The following DLG2 variants were observed in gnomAD, a reference collection of about 807,000 sequenced individuals.
The protein encoded by DLG2 is disks large homolog 2.
A neutral mutation model predicts 132.5 loss-of-function variants in DLG2; 45 were observed. The ratio of observed to expected loss-of-function variants is 0.34; its 90% CI spans 0.27 to 0.44. DLG2 has a LOEUF of 0.44. Among genes scored for constraint, DLG2 ranks in the 20% least tolerant of loss-of-function variants. DLG2 has a pLI of 1.00. For synonymous variants in DLG2, 424 were observed against 419.6 expected, an observed-to-expected ratio of 1.01 and a Z score of -0.13; for missense variants, 1,045 against 1,196.9, an observed-to-expected ratio of 0.87 and a Z score of 1.87.
intron 6 of DLG2, among the ~76,000 whole-genome samples, chr11:84,707,238 T>G (rs539453287): frequency 6.6e-6 from 1 of 151,950 alleles, no homozygotes; most frequent in South Asian, 2.1e-4. Flanking sequence ...GATTTTTATC[T>G]GCCTCCCCAG....
intron 6 of DLG2, among the ~76,000 whole-genome samples, chr11:84,702,562 A>G (rs1281057486): frequency 6.6e-6 from 1 of 151,630 alleles, no homozygotes; most frequent in Non-Finnish European, 1.5e-5. Context: ...AGCCTTGATT[A>G]TCCTCTCAAA....
chr11:83,639,698 GT>G (rs1163643604), intron 18 of DLG2, among the ~76,000 whole-genome samples: 1 of 150,296 alleles, frequency 6.7e-6, no homozygotes, highest in Non-Finnish European at 1.5e-5. Flanking sequence ...CATGGCACAT[GT>G]ATACATATGT....
At chr11:84,733,268 G>A (rs1018280359) in intron 6 of DLG2, among the ~76,000 whole-genome samples, 1 of 152,164 alleles carries the variant, frequency 6.6e-6, no homozygotes, top group Admixed American at 6.5e-5. Flanking sequence ...CAGTGTAAGA[G>A]TGTTCCTATT....
At chr11:84,221,946 A>C (rs1445671361) in intron 8 of DLG2, among the ~76,000 whole-genome samples, 1 of 152,162 alleles carries the variant, frequency 6.6e-6, no homozygotes, top group Non-Finnish European at 1.5e-5. Flanking sequence ...TAGATAAATT[A>C]CTAAAAACTA....
intron 3 of DLG2, among the ~76,000 whole-genome samples, chr11:85,507,474 T>C (rs1036974983): frequency 6.6e-6 from 1 of 152,178 alleles, no homozygotes; most frequent in African/African-American, 2.4e-5. Flanking sequence ...TTATGAAGCT[T>C]AGTTTGGTTG....
At position 85,095,172 on chromosome 11, in the gene DLG2, T is replaced by C. The variant is rs12576849; in HGVS notation, c.357+16489A>G. Among the ~76,000 whole-genome samples the C allele has an allele frequency of 7.3e-4, 111 of 152,270 alleles. 2 individuals carry two copies. In the East Asian group the frequency reaches 0.018, roughly 25 times the overall value. ...ATAGTAACATTGAAGATACTGATCATGTATCACCGTAACAGATATAATAAT... is the reference window on the plus strand; with the variant it reads ...ATAGTAACATTGAAGATACTGATCACGTATCACCGTAACAGATATAATAAT... On this transcript the variant is annotated intron_variant, in intron 6 of 27. Transcript: ENST00000376104.
intron 17 of DLG2, chr11:83,791,354 A>T (rs1460873552): frequency 1.5e-6 from 1 of 676,686 alleles, no homozygotes; most frequent in African/African-American, 1.8e-5. Flanking sequence ...GTATCCATCA[A>T]GCTTTTGCTT....
chr11:83,717,469 T>C (rs139526519), intron 18 of DLG2, among the ~76,000 whole-genome samples: 276 of 152,286 alleles, frequency 1.8e-3, no homozygotes, highest in Admixed American at 5.5e-3. Context: ...GCTGAAGGTT[T>C]TGTAGGGGCT....
At chr11:84,170,976 A>C (rs748874819) in intron 8 of DLG2, among the ~76,000 whole-genome samples, 7 of 152,092 alleles carry the variant, frequency 4.6e-5, no homozygotes, top group Non-Finnish European at 8.8e-5. Context: ...TCTCTGTCTT[A>C]TCTCTTCTCT....
chr11:84,083,956 C>T (rs1186576902), intron 10 of DLG2, among the ~76,000 whole-genome samples: 1 of 152,036 alleles, frequency 6.6e-6, no homozygotes, highest in Non-Finnish European at 1.5e-5. Context: ...TCTACAAGAT[C>T]CCAGAGAGGC....
chr11:84,715,657 A>ATTTC (rs2061138003), intron 6 of DLG2, among the ~76,000 whole-genome samples: 1 of 152,066 alleles, frequency 6.6e-6, no homozygotes, highest in East Asian at 1.9e-4. Context: ...CATTTAGTTT[A>ATTTC]ATGTCCTCCA....
intron 6 of DLG2, among the ~76,000 whole-genome samples, chr11:84,832,641 T>C (rs1365500210): frequency 1.1e-4 from 16 of 151,650 alleles, no homozygotes; most frequent in Admixed American, 1.1e-3. Flanking sequence ...TAAGTAATCA[T>C]ACATTATGGG....
chr11:85,383,106 A>T (rs1162998997), intron 3 of DLG2, among the ~76,000 whole-genome samples: 1 of 152,196 alleles, frequency 6.6e-6, no homozygotes, highest in East Asian at 1.9e-4. Flanking sequence ...GAACAGATAA[A>T]TAATATATAG....
intron 7 of DLG2, among the ~76,000 whole-genome samples, chr11:84,258,662 T>A (rs1006995491): frequency 1.3e-5 from 2 of 152,126 alleles, no homozygotes; most frequent in African/African-American, 4.8e-5. Flanking sequence ...AGGTCACAAA[T>A]CTAAGAGGTG....
chr11:85,034,801 C>A (rs1238343715), intron 6 of DLG2, among the ~76,000 whole-genome samples: 2 of 152,044 alleles, frequency 1.3e-5, no homozygotes, highest in Non-Finnish European at 2.9e-5. Context: ...TCCCATTTCC[C>A]AGCTATATCA....
chr11:83,607,836 TATC>T (rs1345443025), intron 19 of DLG2, among the ~76,000 whole-genome samples: 1 of 152,252 alleles, frequency 6.6e-6, no homozygotes, highest in Non-Finnish European at 1.5e-5. Flanking sequence ...CTCTTATAAA[TATC>T]ATGTTGAGCC....
chr11:83,668,748 C>A (rs28678073), intron 18 of DLG2, among the ~76,000 whole-genome samples: 4 of 117,248 alleles, frequency 3.4e-5, no homozygotes, highest in Non-Finnish European at 6.9e-5. Context: ...TGTATATAAA[C>A]ACACATATAT....
At position 85,042,410 on chromosome 11, in the gene DLG2, T is replaced by C. The variant is rs1250418287; in HGVS notation, c.357+69251A>G. On this transcript the variant is annotated intron_variant, in intron 6 of 27. Coordinates refer to ENST00000376104, the MANE Select transcript of DLG2 (RefSeq NM_001142699.3). Reference sequence around the variant, plus strand: ...TACTAGGCACTACACTAAGTGTTTTTACATAGATTATCTTAATTCTTGCAA... The same window carrying C: ...TACTAGGCACTACACTAAGTGTTTTCACATAGATTATCTTAATTCTTGCAA... 2.0e-5 allele frequency among the ~76,000 whole-genome samples: 3 copies of C among 152,034 alleles called. No homozygotes were observed. The East Asian group carries it at 5.8e-4, about 29-fold the overall frequency.
At chr11:85,468,887 G>T (rs375343121) in intron 3 of DLG2, among the ~76,000 whole-genome samples, 2 of 151,968 alleles carry the variant, frequency 1.3e-5, no homozygotes, top group South Asian at 4.2e-4. Flanking sequence ...TCAACTTGTG[G>T]GCTCAAGCAA....
Sources: gnomAD v4.1 joint callset for allele counts (sites outside exome capture counted in the v4.1 genomes callset) on GRCh38, gnomAD v4.1.1 for gene constraint, MANE v1.5 for transcripts, NCBI Gene and HGNC (gene_info 2026-07-23, HGNC 2026-07-21) for gene names.